Variants in ANKRD33B observed in about 807,000 individuals in gnomAD.
ANKRD33B encodes ankyrin repeat domain-containing protein 33B.
Under a neutral mutation model 21.5 loss-of-function variants are expected in ANKRD33B, and 6 were observed. That is an observed-to-expected ratio of 0.28 (90% CI 0.15 to 0.55). The LOEUF (loss-of-function observed/expected upper bound fraction) is 0.55. Ranked by LOEUF, ANKRD33B falls within the 20% of genes least tolerant of loss-of-function variation. The pLI is 0.94. For synonymous variants in ANKRD33B, 347 were observed against 342.4 expected (o/e 1.01, Z -0.15); for missense variants, 698 against 747.2 (o/e 0.93, Z 0.77).
At chr5:10,638,856 G>A (rs1228809843) in intron 3 of ANKRD33B, among the ~76,000 whole-genome samples, 2 of 152,318 alleles carry the variant, frequency 1.3e-5, no homozygotes, top group Admixed American at 1.3e-4. Context: ...ACATTAAGAG[G>A]CAATGTGGAG....
chr5:10,635,081 A>T lies in ANKRD33B; in HGVS notation c.497-2947A>T, dbSNP rs145791874. Among the ~76,000 whole-genome samples the T allele has an allele frequency of 5.1e-3, 770 of 152,078 alleles. 12 individuals are homozygous for T. Among genetic ancestry groups the T allele is most frequent in the African/African-American group, 0.018 (728 of 41,460 alleles). ...TTGGTTTTTCTGGACTCAACATAAT[A>T]CGCAGAACAGATCTATATAATGGGT... is the stretch of plus-strand genomic sequence containing the variant. On this transcript the variant is annotated intron_variant, in intron 2 of 3. Transcript: ENST00000296657.
intron 1 of ANKRD33B, among the ~76,000 whole-genome samples, chr5:10,567,170 C>A (rs1172255190): frequency 6.6e-6 from 1 of 152,172 alleles, no homozygotes; most frequent in Non-Finnish European, 1.5e-5. Context: ...GTGTTCTGTG[C>A]TTTGTGAGGC....
intron 1 of ANKRD33B, among the ~76,000 whole-genome samples, chr5:10,592,947 A>G (rs1309819573): frequency 6.6e-6 from 1 of 152,048 alleles, no homozygotes; most frequent in African/African-American, 2.4e-5. Flanking sequence ...TTTCTTATAT[A>G]TGTTATTTCA....
At chr5:10,579,631 A>G (rs543148329) in intron 1 of ANKRD33B, among the ~76,000 whole-genome samples, 3 of 152,196 alleles carry the variant, frequency 2.0e-5, no homozygotes, top group African/African-American at 4.8e-5. Flanking sequence ...ATGGGATTCT[A>G]TCTTATGATT....
At chr5:10,613,162 GCTT>G (rs910341691) in intron 1 of ANKRD33B, among the ~76,000 whole-genome samples, 4 of 152,054 alleles carry the variant, frequency 2.6e-5, no homozygotes, top group African/African-American at 7.3e-5. Flanking sequence ...GTGGGCTCCC[GCTT>G]CTTCTTCTGC....
At chr5:10,630,662 A>T (rs535159333) in intron 2 of ANKRD33B, among the ~76,000 whole-genome samples, 1 of 152,170 alleles carries the variant, frequency 6.6e-6, no homozygotes, top group East Asian at 1.9e-4. Flanking sequence ...TGCAGGAGGA[A>T]TTTTCCATTT....
intron 1 of ANKRD33B, among the ~76,000 whole-genome samples, chr5:10,608,571 T>C (rs904775290): frequency 2.6e-5 from 4 of 151,874 alleles, no homozygotes; most frequent in Non-Finnish European, 5.9e-5. Context: ...GGGAAAAGAA[T>C]GGATGTGTTC....
intron 3 of ANKRD33B, among the ~76,000 whole-genome samples, chr5:10,647,689 G>T (rs1342723025): frequency 2.0e-5 from 3 of 152,174 alleles, no homozygotes; most frequent in Non-Finnish European, 4.4e-5. Context: ...GTGGTTTGGG[G>T]GGTTGGTGAG....
At chr5:10,591,485 G>A (rs1218024183) in intron 1 of ANKRD33B, among the ~76,000 whole-genome samples, 1 of 151,956 alleles carries the variant, frequency 6.6e-6, no homozygotes, top group Non-Finnish European at 1.5e-5. Context: ...CCTTTTTAGT[G>A]TTTTTATGAT....
intron 2 of ANKRD33B, among the ~76,000 whole-genome samples, chr5:10,629,524 G>A (rs185003836): frequency 1.2e-3 from 185 of 152,196 alleles, no homozygotes; most frequent in African/African-American, 3.3e-3. Flanking sequence ...GAGGAAAGAT[G>A]TTTTGGGTTT....
At chr5:10,603,097 A>G (rs904394685) in intron 1 of ANKRD33B, among the ~76,000 whole-genome samples, 2 of 151,856 alleles carry the variant, frequency 1.3e-5, no homozygotes, top group Non-Finnish European at 2.9e-5. Flanking sequence ...TATAGGTGTG[A>G]GCCACCGTGC....
chr5:10,572,037 C>T lies in ANKRD33B; in HGVS notation c.366+7204C>T, dbSNP rs576571844. ...CCAAGTAGCCGGGATTACAGGCACC[C>T]GCCACCATGTCTGGCTAATTTTTGT... On this transcript the variant is annotated intron_variant, in intron 1 of 3. Coordinates refer to ENST00000296657, the MANE Select transcript of ANKRD33B (RefSeq NM_001164440.2). Among the ~76,000 whole-genome samples the T allele has an allele frequency of 1.1e-4, 17 of 152,124 alleles. No individual in the cohort carries two copies. The East Asian group carries it at 2.9e-3, about 26-fold the overall frequency.
chr5:10,630,294 G>A (rs574857083), intron 2 of ANKRD33B, among the ~76,000 whole-genome samples: 11 of 152,246 alleles, frequency 7.2e-5, no homozygotes, highest in Non-Finnish European at 1.3e-4. Context: ...TCTGCTGCAT[G>A]CATTACTCAT....
intron 1 of ANKRD33B, among the ~76,000 whole-genome samples, chr5:10,603,959 A>G (rs1190233016): frequency 3.3e-5 from 5 of 151,168 alleles, no homozygotes; most frequent in African/African-American, 4.9e-5. Flanking sequence ...CAATGGTGCA[A>G]TCTCGGCTCA....
intron 1 of ANKRD33B, among the ~76,000 whole-genome samples, chr5:10,572,717 G>A (rs1390444337): frequency 5.9e-5 from 9 of 152,180 alleles, no homozygotes. Flanking sequence ...GAAAAAGTGT[G>A]CCACTATGAA....
intron 3 of ANKRD33B, among the ~76,000 whole-genome samples, chr5:10,642,625 C>T (rs968000095): frequency 4.6e-5 from 7 of 152,288 alleles, no homozygotes; most frequent in South Asian, 4.2e-4. Context: ...AGGTGGGATG[C>T]GGATTGGGCA....
At chr5:10,586,525 GTGTGTGTGTA>G (rs768591167) in intron 1 of ANKRD33B, among the ~76,000 whole-genome samples, 12 of 128,650 alleles carry the variant, frequency 9.3e-5, no homozygotes, top group African/African-American at 2.9e-4. Context: ...GTGTGTGTGT[GTGTGTGTGTA>G]TACTGCTTTC....
chr5:10,616,105 A>G (rs1487236369), intron 1 of ANKRD33B, among the ~76,000 whole-genome samples: 1 of 152,244 alleles, frequency 6.6e-6, no homozygotes, highest in Non-Finnish European at 1.5e-5. Context: ...TGAGTTGATT[A>G]TGCTGTGGTA....
chr5:10,649,121 C>T, intron 3 of ANKRD33B, 145 bp from the exon 4 acceptor site: 1 of 1,407,834 alleles, frequency 7.1e-7, no homozygotes, highest in South Asian at 1.5e-5. Context: ...ACAGGGTTCG[C>T]AGAGTGAACT....
Sources: allele counts gnomAD v4.1 joint callset (sites outside exome capture counted in the v4.1 genomes callset), GRCh38; gene constraint gnomAD v4.1.1; transcripts MANE v1.5; gene names NCBI Gene and HGNC (gene_info 2026-07-23, HGNC 2026-07-21).